TTC12: variants seen among roughly 807,000 people sequenced by gnomAD.
TTC12 encodes tetratricopeptide repeat protein 12.
In TTC12, 70 loss-of-function variants were observed where a neutral mutation model predicts 90.1. The observed-to-expected ratio is 0.78, with a 90% CI of 0.64 to 0.95. The LOEUF (loss-of-function observed/expected upper bound fraction) is 0.95. Ranked by LOEUF, TTC12 falls within the 40% of genes least tolerant of loss-of-function variation. The pLI, the probability that TTC12 is intolerant of heterozygous loss-of-function variation, is 0.00. For synonymous variants in TTC12, 296 were observed against 311.5 expected, an observed-to-expected ratio of 0.95 and a Z score of 0.53; for missense variants, 819 against 846.1, an observed-to-expected ratio of 0.97 and a Z score of 0.40.
intron 10 of TTC12, 40 bp from the exon 11 acceptor site, chr11:113,340,624 G>A (rs1555145674): frequency 6.4e-7 from 1 of 1,552,748 alleles, no homozygotes; most frequent in Admixed American, 1.7e-5. Context: ...CAGCCAGCCA[G>A]TTTGGGAGTC....
rs1389838629 is a variant in TTC12, at chr11:113,365,029, G to C, written c.2011G>C (p.Ala671Pro). 6.2e-7 allele frequency: 1 copy of C among 1,614,162 alleles called. No individual in the cohort carries two copies. Among genetic ancestry groups the C allele is most frequent in the East Asian group, 2.2e-5 (1 of 44,878 alleles). Reference sequence around the variant, plus strand: ...GGCCGTGCAGGTGAACGCAGGCATTGCTCTGGGGAAGCTGTGCACAGCTGA... The same window carrying C: ...GGCCGTGCAGGTGAACGCAGGCATTCCTCTGGGGAAGCTGTGCACAGCTGA... ...KTAVQVNAGI[A>P]LGKLCTAEPR... is the part of the protein sequence containing the mutation. The change falls in exon 21 of 22, where the codon GCT becomes CCT. Residue 671 changes from alanine to proline, a missense_variant. Ala to Pro is a conservative substitution (Grantham distance 27, BLOSUM62 -1). Coordinates refer to ENST00000529221, the MANE Select transcript of TTC12 (RefSeq NM_017868.4).
At chr11:113,355,890 T>G (rs1464960015) in intron 16 of TTC12, among the ~76,000 whole-genome samples, 11 of 152,242 alleles carry the variant, frequency 7.2e-5, no homozygotes, top group South Asian at 4.1e-4. Context: ...GTATGCACTA[T>G]GTGGCGATGA....
intron 16 of TTC12, among the ~76,000 whole-genome samples, chr11:113,354,713 GATA>G (rs1949523584): frequency 6.6e-6 from 1 of 152,218 alleles, no homozygotes; most frequent in Admixed American, 6.5e-5. Flanking sequence ...TATCTATTGA[GATA>G]ATCACATGGT....
At chr11:113,346,560 A>T (rs1272059629) in intron 13 of TTC12, among the ~76,000 whole-genome samples, 2 of 152,084 alleles carry the variant, frequency 1.3e-5, no homozygotes, top group African/African-American at 4.8e-5. Context: ...TCTTTAAGAC[A>T]GGTCAATACC....
At chr11:113,339,845 T>C (rs1213854839) in intron 10 of TTC12, among the ~76,000 whole-genome samples, 1 of 152,010 alleles carries the variant, frequency 6.6e-6, no homozygotes, top group African/African-American at 2.4e-5. Context: ...TAAGTACTCA[T>C]GTCAGTCCAC....
chr11:113,326,741 G>A (rs1476684441), intron 6 of TTC12, among the ~76,000 whole-genome samples: 4 of 152,056 alleles, frequency 2.6e-5, no homozygotes, highest in Admixed American at 1.3e-4. Flanking sequence ...GAAGTGAATC[G>A]GTAAAAAAGA....
Position 113,340,845 on chromosome 11 carries a change from T to A in TTC12, c.896+112T>A. ...TCACGTTTCTGAACATTACCCCCCT[T>A]CAGTCAGTAGTGGGGGGCTCTCCAG... On this transcript the variant is annotated intron_variant, in intron 11 of 21. Coordinates refer to ENST00000529221, the MANE Select transcript of TTC12 (RefSeq NM_017868.4). 3.4e-6 allele frequency: 3 copies of A among 885,728 alleles called. No homozygotes were observed. The South Asian group carries it at 4.4e-5, about 13-fold the overall frequency. 54.9% of individuals were successfully genotyped at this position (885,728 alleles called of 1,614,324 possible).
intron 4 of TTC12, among the ~76,000 whole-genome samples, 179 bp from the exon 5 acceptor site, chr11:113,324,426 A>G (rs1236199226): frequency 6.6e-6 from 1 of 152,236 alleles, no homozygotes; most frequent in Non-Finnish European, 1.5e-5. Context: ...ACAGATTACC[A>G]TTTAATGTCA....
intron 16 of TTC12, among the ~76,000 whole-genome samples, chr11:113,354,676 GT>G (rs1565618401): frequency 6.6e-6 from 1 of 152,176 alleles, no homozygotes. Flanking sequence ...ATGAAGAGGT[GT>G]TGAATTTTAT....
intron 10 of TTC12, among the ~76,000 whole-genome samples, chr11:113,339,718 C>T (rs972852994): frequency 1.3e-5 from 2 of 152,212 alleles, no homozygotes; most frequent in Admixed American, 6.5e-5. Context: ...AACACGTACA[C>T]GTGGCACACA....
In TTC12 at chr11:113,325,722, G is replaced by T; in HGVS notation, c.444+77G>T. The T allele has an allele frequency of 3.2e-6, 5 of 1,573,396 alleles. No homozygotes were observed. The Admixed American group carries it at 9.0e-5, about 28-fold the overall frequency. On this transcript the variant is annotated intron_variant, in intron 6 of 21. Transcript: ENST00000529221. ...CTAAACTTGGGAAAACAAAGATGAG[G>T]CTAGATGTTGGGCTGGGAAATGTTT...
chr11:113,350,252 G>A (rs566227801), intron 14 of TTC12, 87 bp downstream of exon 14: 7 of 1,080,110 alleles, frequency 6.5e-6, no homozygotes, highest in South Asian at 5.5e-5. Flanking sequence ...TATTCAGAGA[G>A]GCTAGGCCAA....
intron 11 of TTC12, 89 bp downstream of exon 11, chr11:113,340,822 A>G: frequency 9.0e-7 from 1 of 1,108,354 alleles, no homozygotes; most frequent in East Asian, 2.4e-5. Context: ...ATAGACAGTC[A>G]CGTTTCTGAA....
chr11:113,341,556 G>C (rs1487589819), intron 11 of TTC12: 5 of 458,206 alleles, frequency 1.1e-5, no homozygotes, highest in African/African-American at 9.9e-5. Flanking sequence ...ACCAGTACAT[G>C]TCTGTGTGCT....
intron 7 of TTC12, among the ~76,000 whole-genome samples, chr11:113,332,897 C>T (rs1259948607): frequency 6.6e-6 from 1 of 152,208 alleles, no homozygotes; most frequent in African/African-American, 2.4e-5. Flanking sequence ...TTTGACTTCA[C>T]ATCCTCCATA....
In TTC12 at chr11:113,316,278, A is replaced by G. The variant is rs1946935819; in HGVS notation, c.21A>G (p.Lys7=). Reference sequence around the variant, plus strand: ...TCACAATGGATGCTGATAAAGAGAAAGATTTGCAGAAATTTCTTAAAAATG... The same window carrying G: ...TCACAATGGATGCTGATAAAGAGAAGGATTTGCAGAAATTTCTTAAAAATG... MDADKE[K]DLQKFLKNVD... Residue 7 remains lysine (K), a synonymous_variant, in exon 2 of 22, where the codon AAA becomes AAG. Coordinates refer to ENST00000529221, the MANE Select transcript of TTC12 (RefSeq NM_017868.4). 1.4e-6 allele frequency: 2 copies of G among 1,472,992 alleles called. No individual in the cohort carries two copies. Among genetic ancestry groups the G allele is most frequent in the South Asian group, 3.2e-5 (2 of 62,198 alleles). The allele number at this position is 1,472,992 out of a possible 1,614,324, so 91.2% of individuals were successfully genotyped here.
In TTC12 at chr11:113,359,955, G is replaced by A. The variant is rs782738008; in HGVS notation, c.1561G>A (p.Val521Met). The A allele has an allele frequency of 6.3e-7, 1 of 1,597,904 alleles. No homozygotes were observed. Among genetic ancestry groups the A allele is most frequent in the Non-Finnish European group, 8.5e-7 (1 of 1,172,556 alleles). The change falls in exon 18 of 22, where the codon GTG (valine) becomes ATG (methionine). Residue 521 changes from valine to methionine, a missense_variant. Physicochemically the swap from Val to Met is conservative, Grantham distance 21. Coordinates refer to ENST00000529221, the MANE Select transcript of TTC12 (RefSeq NM_017868.4). ...ATTGTTGTAGGTTTGGGCTGTGGAG[G>A]TGAGCAGAAGGTGCCTGTCTTTACT... ...PFVSEVWAVE[V>M]SRRCLSLLNS...
chr11:113,359,840 G>A lies in TTC12; in HGVS notation c.1546-100G>A, dbSNP rs535836136. 1.6e-5 allele frequency: 14 copies of A among 853,620 alleles called. No individual in the cohort carries two copies. The East Asian group carries it at 3.4e-4, about 21-fold the overall frequency. The allele number at this position is 853,620 out of a possible 1,614,324, so 52.9% of individuals were successfully genotyped here. On this transcript the variant is annotated intron_variant, in intron 17 of 21. Coordinates refer to ENST00000529221, the MANE Select transcript of TTC12 (RefSeq NM_017868.4). ...TTGTGAGGGAACCTGGGCATAGTGT[G>A]GTGGTGCTAAAAAGGAGACGGTGCT...
In TTC12 at chr11:113,350,140, T is replaced by C; in HGVS notation, c.1222T>C (p.Phe408Leu). Residue 408 changes from phenylalanine (F) to leucine (L), a missense_variant, in exon 14 of 22, where the codon TTC becomes CTC. Physicochemically the swap from Phe to Leu is conservative, Grantham distance 22. Coordinates refer to ENST00000529221, the MANE Select transcript of TTC12 (RefSeq NM_017868.4). ...DKEANTAMGL[F>L]TDLALEERFQ... ...GGAGGCCAACACTGCTATGGGACTGTTCACAGACTTGGCTCTGGAAGAAAG... is the reference window on the plus strand; with the variant it reads ...GGAGGCCAACACTGCTATGGGACTGCTCACAGACTTGGCTCTGGAAGAAAG... The C allele has an allele frequency of 6.2e-7, 1 of 1,613,528 alleles. No homozygotes were observed. Among genetic ancestry groups the C allele is most frequent in the Non-Finnish European group, 8.5e-7 (1 of 1,179,470 alleles).
Sources: gnomAD v4.1 joint callset for allele counts (sites outside exome capture counted in the v4.1 genomes callset) on GRCh38, gnomAD v4.1.1 for gene constraint, MANE v1.5 for transcripts, NCBI Gene and HGNC (gene_info 2026-07-23, HGNC 2026-07-21) for gene names.